The following AMBRA1 variants were observed in gnomAD, a reference collection of about 807,000 sequenced individuals.
The protein encoded by AMBRA1 is autophagy and beclin 1 regulator 1.
A neutral mutation model predicts 125.4 loss-of-function variants in AMBRA1; 47 were observed. That is an observed-to-expected ratio of 0.37 (90% CI 0.30 to 0.48). The LOEUF (loss-of-function observed/expected upper bound fraction) is 0.48. Among genes scored for constraint, AMBRA1 ranks in the 20% least tolerant of loss-of-function variants. The pLI, the probability that AMBRA1 is intolerant of heterozygous loss-of-function variation, is 0.99. For synonymous variants in AMBRA1, 626 were observed against 655.5 expected, an observed-to-expected ratio of 0.95 and a Z score of 0.69; for missense variants, 1,331 against 1,693.4, an observed-to-expected ratio of 0.79 and a Z score of 3.76.
intron 5 of AMBRA1, among the ~76,000 whole-genome samples, chr11:46,544,514 C>T (rs1462613299): frequency 1.3e-5 from 2 of 152,068 alleles, no homozygotes; most frequent in Admixed American, 1.3e-4. Context: ...TCCAAGAGGA[C>T]CAAAGAAACA....
intron 5 of AMBRA1, among the ~76,000 whole-genome samples, chr11:46,545,378 C>T (rs1415028481): frequency 2.0e-5 from 3 of 151,970 alleles, no homozygotes; most frequent in Non-Finnish European, 4.4e-5. Flanking sequence ...ACGAGAATCG[C>T]TTGAACCTAG....
chr11:46,408,710 G>A lies in AMBRA1; in HGVS notation c.3210-4C>T. On this transcript the variant is annotated splice_polypyrimidine_tract_variant and splice_region_variant and intron_variant, in intron 16 of 17. Coordinates refer to ENST00000683756, the MANE Select transcript of AMBRA1 (RefSeq NM_001387011.1). ...CCTCCATGTGGCTCTGCTGGTTCTAGGGAGAGAAAGGCAGACTAAAGTCAG... is the reference window on the plus strand; with the variant it reads ...CCTCCATGTGGCTCTGCTGGTTCTAAGGAGAGAAAGGCAGACTAAAGTCAG... 1 of 1,521,906 alleles carries A rather than the reference G, an allele frequency of 6.6e-7. No individual in the cohort carries two copies. The highest frequency in any genetic ancestry group is 8.9e-7 in the Non-Finnish European group (1 of 1,129,340). The allele number at this position is 1,521,906 out of a possible 1,614,324, so 94.3% of individuals were successfully genotyped here.
At position 46,534,263 on chromosome 11, in the gene AMBRA1, C is replaced by T. The variant is rs868014668; in HGVS notation, c.2072+7682G>A. The stretch of plus-strand genomic sequence containing the variant: ...ATCCCAGAACTTTGGGAGGCCGAGG[C>T]GGGCGGAGCACCAGAGGTCAGGAGT... On this transcript the variant is annotated intron_variant, in intron 7 of 17. Transcript: ENST00000683756. Among the ~76,000 whole-genome samples the T allele has an allele frequency of 4.0e-5, 6 of 151,474 alleles. No individual in the cohort carries two copies. The South Asian group carries it at 6.3e-4, about 16-fold the overall frequency.
At position 46,569,893 on chromosome 11, in the gene AMBRA1, G is replaced by C. The variant is rs148731984; in HGVS notation, c.-120-21393C>G. 1.7e-4 allele frequency among the ~76,000 whole-genome samples: 26 copies of C among 151,998 alleles called. No homozygotes were observed. The East Asian group carries it at 4.8e-3, about 28-fold the overall frequency. ...GGAGAATCACTTGAACCCAGAAGGCGGAGGTTGCAGTGAGCCAAGATCGCA... is the reference window on the plus strand; with the variant it reads ...GGAGAATCACTTGAACCCAGAAGGCCGAGGTTGCAGTGAGCCAAGATCGCA... On this transcript the variant is annotated intron_variant, in intron 1 of 17. Coordinates refer to ENST00000683756, the MANE Select transcript of AMBRA1 (RefSeq NM_001387011.1).
At chr11:46,480,301 C>T (rs575386555) in intron 11 of AMBRA1, among the ~76,000 whole-genome samples, 6 of 152,212 alleles carry the variant, frequency 3.9e-5, no homozygotes, top group African/African-American at 1.4e-4. Context: ...CATTATTTTA[C>T]CTACTAAACC....
intron 1 of AMBRA1, among the ~76,000 whole-genome samples, chr11:46,582,220 A>AT (rs2044200759): frequency 1.3e-5 from 2 of 151,874 alleles, no homozygotes; most frequent in South Asian, 4.2e-4. Flanking sequence ...TATTCCAACC[A>AT]TATCAACCTT....
At chr11:46,546,075 AC>A (rs1953003775) in intron 4 of AMBRA1, 1 of 190,422 alleles carries the variant, frequency 5.3e-6, no homozygotes, top group African/African-American at 2.8e-5. Context: ...TCATTCTGTC[AC>A]CCAGGCTGGA....
Position 46,415,797 on chromosome 11 carries a change from GGT to G in AMBRA1, c.3116+2114_3116+2115del, listed in dbSNP as rs1040414133. Among the ~76,000 whole-genome samples the G allele has an allele frequency of 2.2e-4, 33 of 152,340 alleles. 1 individual carries two copies. Among genetic ancestry groups the G allele is most frequent in the Admixed American group, 1.8e-3 (27 of 15,298 alleles). ...ACTCAGGGAAGAGGCTTGAGTTCCT[GGT>G]GGGTAAGAGAGTTCCCCAGGCAGCC... On this transcript the variant is annotated intron_variant, in intron 15 of 17. Coordinates refer to ENST00000683756, the MANE Select transcript of AMBRA1 (RefSeq NM_001387011.1).
intron 11 of AMBRA1, among the ~76,000 whole-genome samples, chr11:46,467,552 T>TC (rs1949383225): frequency 6.7e-6 from 1 of 150,078 alleles, no homozygotes; most frequent in East Asian, 1.9e-4. Flanking sequence ...TGTTACTCTT[T>TC]TTTTTTTTTT....
At chr11:46,445,854 G>A (rs370326350) in intron 11 of AMBRA1, among the ~76,000 whole-genome samples, 1 of 152,200 alleles carries the variant, frequency 6.6e-6, no homozygotes, top group African/African-American at 2.4e-5. Context: ...TGCTAAGAGA[G>A]GGTAGAAAAT....
chr11:46,508,170 G>T (rs1201091950), intron 9 of AMBRA1, 21 bp downstream of exon 9: 1 of 1,613,306 alleles, frequency 6.2e-7, no homozygotes. Flanking sequence ...AGGGAAGAAA[G>T]CAAGCTGAGT....
intron 7 of AMBRA1, among the ~76,000 whole-genome samples, chr11:46,524,919 T>C (rs1951903217): frequency 6.6e-6 from 1 of 152,282 alleles, no homozygotes; most frequent in African/African-American, 2.4e-5. Context: ...GGTATCCATC[T>C]ACCAATCTAT....
At chr11:46,411,744 C>T (rs1946306601) in intron 15 of AMBRA1, among the ~76,000 whole-genome samples, 1 of 152,196 alleles carries the variant, frequency 6.6e-6, no homozygotes, top group South Asian at 2.1e-4. Flanking sequence ...GCTAGGATTA[C>T]AGGCATGAAC....
At chr11:46,497,561 T>C (rs368462461) in intron 9 of AMBRA1, among the ~76,000 whole-genome samples, 66 of 152,160 alleles carry the variant, frequency 4.3e-4, no homozygotes, top group African/African-American at 1.5e-3. Context: ...ATGTGAAACA[T>C]AATAAACACA....
chr11:46,493,515 A>G, intron 11 of AMBRA1, 93 bp downstream of exon 11: 1 of 997,000 alleles, frequency 1.0e-6, no homozygotes, highest in Non-Finnish European at 1.5e-6. Context: ...AGATGCCAAG[A>G]CACCATCACA....
chr11:46,491,644 T>G (rs533765505), intron 11 of AMBRA1, among the ~76,000 whole-genome samples: 1 of 152,332 alleles, frequency 6.6e-6, no homozygotes, highest in South Asian at 2.1e-4. Flanking sequence ...TAATGGTGAA[T>G]GAAAACCATC....
At chr11:46,433,820 A>G (rs1005121830) in intron 13 of AMBRA1, among the ~76,000 whole-genome samples, 192 bp from the exon 14 acceptor site, 6 of 152,158 alleles carry the variant, frequency 3.9e-5, no homozygotes, top group African/African-American at 9.7e-5. Context: ...TGACATATAG[A>G]AAGCACATAA....
chr11:46,435,337 AT>A (rs1276336401), intron 12 of AMBRA1, among the ~76,000 whole-genome samples: 3 of 152,236 alleles, frequency 2.0e-5, no homozygotes, highest in Non-Finnish European at 1.5e-5. Context: ...GGAAAAAGTT[AT>A]TAAAAATTAT....
chr11:46,486,165 T>G lies in AMBRA1; in HGVS notation c.2521+7443A>C, dbSNP rs1371121647. Among the ~76,000 whole-genome samples the G allele has an allele frequency of 5.9e-5, 9 of 152,346 alleles. No individual in the cohort carries two copies. The East Asian group carries it at 1.7e-3, about 29-fold the overall frequency. ...ACTAATTGTCCATTTATCTGGGGTT[T>G]ATAAACAGCCATCTTAATTGATGTT... On this transcript the variant is annotated intron_variant, in intron 11 of 17. Coordinates refer to ENST00000683756, the MANE Select transcript of AMBRA1 (RefSeq NM_001387011.1).
Sources: gnomAD v4.1 joint callset for allele counts (sites outside exome capture counted in the v4.1 genomes callset) on GRCh38, gnomAD v4.1.1 for gene constraint, MANE v1.5 for transcripts, NCBI Gene and HGNC (gene_info 2026-07-23, HGNC 2026-07-21) for gene names.